The following MDGA2 variants were observed in gnomAD, a reference collection of about 807,000 sequenced individuals.
MDGA2 encodes MAM domain containing glycosylphosphatidylinositol anchor 2.
Under a neutral mutation model 117.8 loss-of-function variants are expected in MDGA2, and 40 were observed. The ratio of observed to expected loss-of-function variants is 0.34; its 90% CI spans 0.26 to 0.44. The LOEUF (loss-of-function observed/expected upper bound fraction) is 0.44. MDGA2 is among the 20% of genes least tolerant of loss of function. The pLI is 1.00. For missense variants in MDGA2, 1,123 were observed against 1,250.6 expected (o/e 0.90, Z 1.54); for synonymous variants, 452 against 439.0 (o/e 1.03, Z -0.37).
intron 1 of MDGA2, among the ~76,000 whole-genome samples, chr14:47,665,589 C>T (rs571055095): frequency 1.5e-4 from 23 of 152,266 alleles, no homozygotes; most frequent in East Asian, 3.9e-4. Flanking sequence ...GCTGGAGTTC[C>T]GGGTGGGCGT....
At chr14:47,531,730 T>C (rs1895106119) in intron 1 of MDGA2, among the ~76,000 whole-genome samples, 1 of 152,224 alleles carries the variant, frequency 6.6e-6, no homozygotes, top group Non-Finnish European at 1.5e-5. Flanking sequence ...TTGTCAAATG[T>C]TGACTGCAAC....
Position 47,049,482 on chromosome 14 carries a change from T to A in MDGA2, c.1525+11767A>T, listed in dbSNP as rs1016315764. Among the ~76,000 whole-genome samples, 5 of 152,062 alleles carry A rather than the reference T, an allele frequency of 3.3e-5. No individual in the cohort carries two copies. The East Asian group carries it at 9.6e-4, about 29-fold the overall frequency. On this transcript the variant is annotated intron_variant, in intron 7 of 16. Transcript: ENST00000399232. ...CTATTTAATAGTAGTACTATATTAG[T>A]TTTTATTTGTATAATTTTTATTGTT...
chr14:47,619,193 G>A (rs1897004809), intron 1 of MDGA2, among the ~76,000 whole-genome samples: 2 of 150,992 alleles, frequency 1.3e-5, no homozygotes, highest in Admixed American at 1.3e-4. Context: ...TGGAAACAAT[G>A]TCTATACCGC....
intron 2 of MDGA2, among the ~76,000 whole-genome samples, chr14:47,278,412 A>G (rs1415252864): frequency 6.6e-6 from 1 of 152,126 alleles, no homozygotes; most frequent in Admixed American, 6.5e-5. Context: ...GAAGCTGGCT[A>G]CAGCTCTGGG....
rs1328736558 is a variant in MDGA2 at position 47,612,193 on chromosome 14, TAGATAGATAGATAGAC to T, written c.280+62308_280+62323del. Among the ~76,000 whole-genome samples the T allele has an allele frequency of 7.9e-4, 114 of 145,176 alleles. 1 individual carries two copies. The highest frequency in any genetic ancestry group is 7.1e-3 in the Middle Eastern group (2 of 280). ...TCACCAAATTATATTTCAAATGTGA[TAGATAGATAGATAGAC>T]AGATAGATAGATAGATAGATAGATA... On this transcript the variant is annotated intron_variant, in intron 1 of 16. Transcript: ENST00000399232.
At chr14:47,468,659 GGT>G (rs1025398074) in intron 1 of MDGA2, among the ~76,000 whole-genome samples, 25 of 65,594 alleles carry the variant, frequency 3.8e-4, no homozygotes, top group African/African-American at 1.2e-3. Context: ...AATTTCTTAT[GGT>G]GTTTTTTTTT....
chr14:47,647,282 T>C (rs1183466863), intron 1 of MDGA2, among the ~76,000 whole-genome samples: 2 of 152,136 alleles, frequency 1.3e-5, no homozygotes, highest in African/African-American at 4.8e-5. Flanking sequence ...TTGCAACATG[T>C]TATATTAGAT....
At chr14:46,993,074 A>T (rs1887153674) in intron 8 of MDGA2, among the ~76,000 whole-genome samples, 1 of 152,184 alleles carries the variant, frequency 6.6e-6, no homozygotes, top group South Asian at 2.1e-4. Context: ...CCTTAAAAAA[A>T]AAAATTCTTC....
At chr14:47,173,823 C>T (rs1339587219) in intron 3 of MDGA2, among the ~76,000 whole-genome samples, 1 of 152,072 alleles carries the variant, frequency 6.6e-6, no homozygotes, top group Non-Finnish European at 1.5e-5. Flanking sequence ...TGTAAATGGA[C>T]TAAATGCTCC....
At chr14:47,372,219 A>C (rs1481360072) in intron 1 of MDGA2, among the ~76,000 whole-genome samples, 1 of 151,794 alleles carries the variant, frequency 6.6e-6, no homozygotes, top group Non-Finnish European at 1.5e-5. Context: ...GCAAACCACA[A>C]TGACTGGGGG....
At chr14:46,910,444 T>G (rs1883655171) in intron 10 of MDGA2, among the ~76,000 whole-genome samples, 1 of 152,092 alleles carries the variant, frequency 6.6e-6, no homozygotes, top group Non-Finnish European at 1.5e-5. Context: ...CAAGGTAAAG[T>G]TTAACTTCTT....
chr14:47,544,420 G>A (rs1895417204), intron 1 of MDGA2, among the ~76,000 whole-genome samples: 1 of 152,078 alleles, frequency 6.6e-6, no homozygotes, highest in African/African-American at 2.4e-5. Flanking sequence ...TCAATGTGAG[G>A]TAATTGTTGC....
chr14:47,491,979 G>C (rs928245980), intron 1 of MDGA2, among the ~76,000 whole-genome samples: 2 of 151,898 alleles, frequency 1.3e-5, no homozygotes, highest in East Asian at 3.9e-4. Context: ...TCTATTTATG[G>C]CAATGACATT....
chr14:47,322,123 C>T (rs1306637881), intron 1 of MDGA2, among the ~76,000 whole-genome samples: 2 of 152,044 alleles, frequency 1.3e-5, no homozygotes, highest in Non-Finnish European at 2.9e-5. Flanking sequence ...AAAAGTACTT[C>T]CTGTTAACAG....
chr14:47,380,398 C>CA (rs1344827294), intron 1 of MDGA2, among the ~76,000 whole-genome samples: 1 of 152,084 alleles, frequency 6.6e-6, no homozygotes, highest in Non-Finnish European at 1.5e-5. Flanking sequence ...GATAGAGACA[C>CA]AAAAAACCCT....
intron 1 of MDGA2, among the ~76,000 whole-genome samples, chr14:47,385,215 T>C (rs1464590196): frequency 6.6e-6 from 1 of 152,038 alleles, no homozygotes; most frequent in Non-Finnish European, 1.5e-5. Flanking sequence ...TTAAGTCTAA[T>C]AATTATAACT....
intron 3 of MDGA2, among the ~76,000 whole-genome samples, chr14:47,215,443 A>C (rs1471208044): frequency 6.6e-6 from 1 of 152,090 alleles, no homozygotes; most frequent in African/African-American, 2.4e-5. Context: ...AAATTATAGA[A>C]ACTCAGGTAG....
chr14:47,107,227 C>T (rs1366855889), intron 5 of MDGA2, among the ~76,000 whole-genome samples: 5 of 152,146 alleles, frequency 3.3e-5, no homozygotes, highest in East Asian at 1.9e-4. Context: ...CACTCACCTG[C>T]TACAGCATGG....
intron 5 of MDGA2, among the ~76,000 whole-genome samples, chr14:47,097,899 C>A (rs1028895501): frequency 2.0e-5 from 3 of 151,878 alleles, no homozygotes; most frequent in Non-Finnish European, 1.5e-5. Context: ...GATAAACATT[C>A]ATTCAGTAGA....
Sources: gnomAD v4.1 joint callset for allele counts (sites outside exome capture counted in the v4.1 genomes callset) on GRCh38, gnomAD v4.1.1 for gene constraint, MANE v1.5 for transcripts, NCBI Gene and HGNC (gene_info 2026-07-23, HGNC 2026-07-21) for gene names.